Variants in ABCC5 observed in about 807,000 individuals in gnomAD.
The protein encoded by ABCC5 is ATP-binding cassette sub-family C member 5.
Under a neutral mutation model 160.9 loss-of-function variants are expected in ABCC5, and 61 were observed. The ratio of observed to expected loss-of-function variants is 0.38; its 90% confidence interval spans 0.31 to 0.47. ABCC5 has a LOEUF of 0.47. Among genes scored for constraint, ABCC5 ranks in the 20% least tolerant of loss-of-function variants. ABCC5 has a pLI of 0.99. For synonymous variants in ABCC5, 666 were observed against 700.6 expected, an observed-to-expected ratio of 0.95 and a Z score of 0.78; for missense variants, 1,308 against 1,813.3, an observed-to-expected ratio of 0.72 and a Z score of 5.06.
chr3:183,999,048 C>A (rs1189555738), intron 2 of ABCC5, among the ~76,000 whole-genome samples: 1 of 151,342 alleles, frequency 6.6e-6, no homozygotes, highest in Admixed American at 6.6e-5. Flanking sequence ...TGAGATCGCG[C>A]CACTGAACCG....
At chr3:183,972,247 G>A (rs1717821143) in intron 10 of ABCC5, among the ~76,000 whole-genome samples, 1 of 152,134 alleles carries the variant, frequency 6.6e-6, no homozygotes, top group Non-Finnish European at 1.5e-5. Flanking sequence ...CTTGTTCTAA[G>A]GAGTAGTAAA....
intron 5 of ABCC5, chr3:183,985,529 G>A: frequency 1.3e-6 from 1 of 772,784 alleles, no homozygotes. Flanking sequence ...TTCCCCAAAA[G>A]GCCCTCGAGC....
At chr3:183,930,084 G>T (rs1030202048) in intron 26 of ABCC5, among the ~76,000 whole-genome samples, 5 of 152,348 alleles carry the variant, frequency 3.3e-5, no homozygotes, top group African/African-American at 1.2e-4. Flanking sequence ...AATCTGAAAA[G>T]TATATTTGCT....
Position 183,925,547 on chromosome 3 carries a change from C to G in ABCC5, c.4212+8G>C. ...ATGCCAAGCCAAAGTTCCTGAAGGA[C>G]TCGGTACCTGTCCCTGGGCCAGCAC... On this transcript the variant is annotated splice_region_variant and intron_variant, in intron 29 of 29. Transcript: ENST00000334444. The G allele has an allele frequency of 6.2e-7, 1 of 1,612,000 alleles. No homozygotes were observed.
At position 183,963,364 on chromosome 3, in the gene ABCC5, C is replaced by T. The variant is rs376374834; in HGVS notation, c.2235+21G>A. ...GATTTCCCAAACTCAGGCAGGCAGC[C>T]GAGGGAAGAAAGAACCATACCTGTA... On this transcript the variant is annotated intron_variant, in intron 15 of 29. Coordinates refer to ENST00000334444, the MANE Select transcript of ABCC5 (RefSeq NM_005688.4). The surrounding 1 kb of genome is among the most constrained non-coding windows in gnomAD (Gnocchi z 4.6). 3.5e-5 allele frequency: 57 copies of T among 1,613,746 alleles called. No homozygotes were observed. In the Middle Eastern group the frequency reaches 1.2e-3, roughly 33 times the overall value.
chr3:183,971,671 C>T lies in ABCC5; in HGVS notation c.1653G>A (p.Leu551=). 6.2e-7 allele frequency: 1 copy of T among 1,614,158 alleles called. No homozygotes were observed. The highest frequency in any genetic ancestry group is 8.5e-7 in the Non-Finnish European group (1 of 1,180,028). The change falls in exon 11 of 30, where the codon CTG becomes CTA. Residue 551 remains leucine, a synonymous_variant. Coordinates refer to ENST00000334444, the MANE Select transcript of ABCC5 (RefSeq NM_005688.4). ...VLAEQKGHLL[L]DSDERPSPEE... ...CGGGACTGGGCCGCTCGTCACTGTC[C>T]AGGAGGAGGTGGCCTTTCTGCTCTG...
chr3:183,942,280 C>G (rs879912384), intron 25 of ABCC5, among the ~76,000 whole-genome samples: 1 of 152,088 alleles, frequency 6.6e-6, no homozygotes, highest in African/African-American at 2.4e-5. Flanking sequence ...GTGATCCACC[C>G]GCCTCGCCCT....
In ABCC5 at chr3:184,014,413, A is replaced by C. The variant is rs1345736226; in HGVS notation, c.-21T>G. Reference sequence around the variant, plus strand: ...TTCATCTTCTCTGAGTGGAGGTTCCAGGGCTCACAGACTGTTAGTTTCACA... The same window carrying C: ...TTCATCTTCTCTGAGTGGAGGTTCCCGGGCTCACAGACTGTTAGTTTCACA... On this transcript the variant is annotated 5_prime_UTR_variant, in exon 2 of 30. Coordinates refer to ENST00000334444, the MANE Select transcript of ABCC5 (RefSeq NM_005688.4). 1 of 1,599,700 alleles carries C rather than the reference A, an allele frequency of 6.3e-7. No homozygotes were observed. The highest frequency in any genetic ancestry group is 1.3e-5 in the African/African-American group (1 of 74,078).
In ABCC5 at chr3:183,977,474, G is replaced by T. The variant is rs767613945; in HGVS notation, c.1404+43C>A. ...GAACAGAGCCAGCAGTTAGTTGTGT[G>T]GGGAGGGCTCCTGACACGGGGGCAG... is the stretch of plus-strand genomic sequence containing the variant. On this transcript the variant is annotated intron_variant, in intron 10 of 29. Coordinates refer to ENST00000334444, the MANE Select transcript of ABCC5 (RefSeq NM_005688.4). 2.8e-6 allele frequency: 4 copies of T among 1,441,200 alleles called. No individual in the cohort carries two copies. In the South Asian group the frequency reaches 3.4e-5, roughly 12 times the overall value. The allele number at this position is 1,441,200 out of a possible 1,614,324, so 89.3% of individuals were successfully genotyped here.
rs1264572208 is a variant in ABCC5, at chr3:183,921,449, G to C, written c.4213-48C>G. 1 of 1,569,508 alleles carries C rather than the reference G, an allele frequency of 6.4e-7. No individual in the cohort carries two copies. The highest frequency in any genetic ancestry group is 8.6e-7 in the Non-Finnish European group (1 of 1,156,406). On this transcript the variant is annotated intron_variant, in intron 29 of 29. Transcript: ENST00000334444. The surrounding 1 kb of genome is among the most constrained non-coding windows in gnomAD (Gnocchi z 4.1). ...CAGGACACAGCTCTGGGTCATGCAG[G>C]GTGATTCAGAGGATCCACGGCTCAG... is the stretch of plus-strand genomic sequence containing the variant.
intron 25 of ABCC5, among the ~76,000 whole-genome samples, chr3:183,941,155 T>C (rs551238922): frequency 6.6e-6 from 1 of 152,290 alleles, no homozygotes; most frequent in East Asian, 1.9e-4. Context: ...CCACTGCACC[T>C]GGCCACTATG....
At chr3:183,940,498 C>T (rs958287623) in intron 25 of ABCC5, among the ~76,000 whole-genome samples, 1 of 139,108 alleles carries the variant, frequency 7.2e-6, no homozygotes, top group Non-Finnish European at 1.5e-5. Flanking sequence ...ATGAATGACT[C>T]TGTTCAGGGT....
At chr3:183,983,699 C>G in intron 5 of ABCC5, 1 of 981,640 alleles carries the variant, frequency 1.0e-6, no homozygotes, top group Non-Finnish European at 1.2e-6. Flanking sequence ...CCTGCAACGC[C>G]GGAGCACACA....
At chr3:183,943,082 C>G (rs566082042) in intron 24 of ABCC5, among the ~76,000 whole-genome samples, 166 bp from the exon 25 acceptor site, 71 of 152,334 alleles carry the variant, frequency 4.7e-4, no homozygotes, top group African/African-American at 1.7e-3. Context: ...TGCTTATCAT[C>G]ACTAAACTCG....
At chr3:183,950,580 G>C (rs891291103) in intron 20 of ABCC5, among the ~76,000 whole-genome samples, 8 of 152,124 alleles carry the variant, frequency 5.3e-5, no homozygotes, top group Admixed American at 4.6e-4. Flanking sequence ...CTTTTTGGCT[G>C]TCTCCCCACC....
intron 2 of ABCC5, among the ~76,000 whole-genome samples, chr3:183,991,853 G>C (rs1348897458): frequency 6.6e-6 from 1 of 152,054 alleles, no homozygotes; most frequent in Non-Finnish European, 1.5e-5. Flanking sequence ...AATCACAAGG[G>C]GAAGGAAAAA....
At position 183,945,933 on chromosome 3, in the gene ABCC5, C is replaced by A; in HGVS notation, c.3421G>T (p.Gly1141Trp). Reference sequence around the variant, plus strand: ...AGTCTGACCGTAAACTGGAACAGCCCCGTTAACTGATAATGGAAAACAACA... The same window carrying A: ...AGTCTGACCGTAAACTGGAACAGCCACGTTAACTGATAATGGAAAACAACA... ...LAISYAVQLTGLFQFTVRLAS... is the reference protein window; with the variant it reads ...LAISYAVQLTWLFQFTVRLAS... Residue 1141 changes from glycine (G) to tryptophan (W), a missense_variant, in exon 24 of 30, where the codon GGG becomes TGG. By Grantham distance (184) the Gly-to-Trp change is radical. Around this residue, in one of 3 missense-constraint regions of ABCC5, gnomAD observed 1,142 missense variants for 1,527.1 expected, o/e 0.75. Coordinates refer to ENST00000334444, the MANE Select transcript of ABCC5 (RefSeq NM_005688.4). The A allele has an allele frequency of 6.2e-7, 1 of 1,613,916 alleles. No individual in the cohort carries two copies. The highest frequency in any genetic ancestry group is 8.5e-7 in the Non-Finnish European group (1 of 1,179,808).
intron 2 of ABCC5, among the ~76,000 whole-genome samples, chr3:183,994,411 T>C (rs560557119): frequency 6.6e-6 from 1 of 152,204 alleles, no homozygotes; most frequent in African/African-American, 2.4e-5. Context: ...AGTCTTGATC[T>C]GTCGCCCAGA....
chr3:183,961,786 A>ATT, intron 15 of ABCC5, 132 bp from the exon 16 acceptor site: 63 of 938,658 alleles, frequency 6.7e-5, no homozygotes, highest in Admixed American at 1.8e-4. Flanking sequence ...ATCTGGAGAC[A>ATT]TTTTTTTTTT....
Sources: gnomAD v4.1 joint callset for allele counts (sites outside exome capture counted in the v4.1 genomes callset) on GRCh38, gnomAD v4.1.1 for gene constraint, gnomAD v4.1.1 regional missense constraint, Gnocchi (gnomAD v3.1) non-coding constraint, MANE v1.5 for transcripts, NCBI Gene and HGNC (gene_info 2026-07-23, HGNC 2026-07-21) for gene names.